The following ZDHHC15 variants were observed in gnomAD, a reference collection of about 807,000 sequenced individuals.
The protein encoded by ZDHHC15 is zDHHC palmitoyltransferase 15.
ZDHHC15 carries 19 observed loss-of-function variants against 31.7 expected under a neutral mutation model. The ratio of observed to expected loss-of-function variants is 0.60; its 90% CI spans 0.42 to 0.88. The LOEUF is 0.88. Ranked by LOEUF, ZDHHC15 falls within the 40% of genes least tolerant of loss-of-function variation. The probability of loss-of-function intolerance (pLI) is 0.00; values close to 1 mark genes in which losing one functional copy is unlikely to be tolerated. For missense variants in ZDHHC15, 209 were observed against 251.2 expected (o/e 0.83, Z 1.14); for synonymous variants, 103 against 90.0 (o/e 1.14, Z -0.82).
chrX:75,485,212 A>ACC (rs766711417), intron 2 of ZDHHC15, among the ~76,000 whole-genome samples: 2 of 111,683 alleles, frequency 1.8e-5, no homozygotes, highest in South Asian at 7.6e-4. Flanking sequence ...TATAAATTAT[A>ACC]TCTCAATAAA....
chrX:75,453,720 A>T (rs1449656130), intron 3 of ZDHHC15, among the ~76,000 whole-genome samples: 1 of 111,350 alleles, frequency 9.0e-6, no homozygotes, highest in Admixed American at 9.6e-5. Flanking sequence ...CTGGGATGCA[A>T]GGCCTAGTTC....
chrX:75,424,898 A>G (rs1227151514), intron 7 of ZDHHC15, 114 bp from the exon 8 acceptor site: 1 of 829,886 alleles, frequency 1.2e-6, no homozygotes, highest in East Asian at 3.8e-5. Flanking sequence ...TGTAATTTAA[A>G]AAATAGATTC....
rs201940017 is a variant in ZDHHC15 at position 75,431,751 on chromosome X, CT to C, written c.380-232del. ...GGGCTGAAAGGAACGAGAAAAGTTTCTTATCTGGATATCTGTCATAAGATCT... is the reference window on the plus strand; with the variant it reads ...GGGCTGAAAGGAACGAGAAAAGTTTCTATCTGGATATCTGTCATAAGATCT... On this transcript the variant is annotated intron_variant, in intron 4 of 11. Transcript: ENST00000373367. 8.0e-3 allele frequency among the ~76,000 whole-genome samples: 891 copies of C among 111,337 alleles called. 11 individuals are homozygous for C. The highest frequency in any genetic ancestry group is 0.027 in the African/African-American group (820 of 30,703).
intron 11 of ZDHHC15, 23 bp downstream of exon 11, chrX:75,379,097 T>A: frequency 8.5e-7 from 1 of 1,175,751 alleles, no homozygotes; most frequent in African/African-American, 1.7e-5. Flanking sequence ...TGCCACTGTA[T>A]GTGTCTCCCT....
At chrX:75,427,277 T>C (rs925245912) in intron 7 of ZDHHC15, among the ~76,000 whole-genome samples, 4 of 60,468 alleles carry the variant, frequency 6.6e-5, no homozygotes, top group Non-Finnish European at 1.5e-4. Flanking sequence ...AGGCATGAGC[T>C]AGCCTACTGT....
intron 4 of ZDHHC15, among the ~76,000 whole-genome samples, chrX:75,439,479 T>G (rs947471326): frequency 8.9e-6 from 1 of 112,174 alleles, no homozygotes; most frequent in East Asian, 2.8e-4. Context: ...CAGTTTCTTT[T>G]GCATTTGTCT....
chrX:75,453,793 G>T (rs1223283349), intron 3 of ZDHHC15, among the ~76,000 whole-genome samples: 2 of 111,392 alleles, frequency 1.8e-5, no homozygotes, highest in African/African-American at 6.5e-5. Context: ...AAAACCACAT[G>T]ATTATCTCAA....
At chrX:75,463,200 A>G (rs935883141) in intron 3 of ZDHHC15, among the ~76,000 whole-genome samples, 1 of 111,149 alleles carries the variant, frequency 9.0e-6, no homozygotes. Context: ...CCAAGACTGA[A>G]CAAGGAAGAA....
chrX:75,453,367 A>G (rs1197620245), intron 3 of ZDHHC15, among the ~76,000 whole-genome samples: 1 of 111,774 alleles, frequency 8.9e-6, no homozygotes, highest in Non-Finnish European at 1.9e-5. Flanking sequence ...GAATAGACCA[A>G]TAACAGGAGC....
rs778664102 is a variant in ZDHHC15, at chrX:75,372,256, ATCT to A, written c.*719_*721del. On this transcript the variant is annotated 3_prime_UTR_variant, in exon 12 of 12. Transcript: ENST00000373367. ...CAATAAAGTTTATGTCCTGAATTTG[ATCT>A]TCTTGAGTAGCTGTGGTGCTTTCAG... The A allele has an allele frequency of 3.6e-5, 4 of 112,102 alleles. No homozygotes were observed. The highest frequency in any genetic ancestry group is 7.5e-5 in the Non-Finnish European group (4 of 53,196). The allele number at this position is 112,102 out of a possible 1,213,427, so 9.2% of individuals were successfully genotyped here.
At chrX:75,439,293 T>C (rs962425008) in intron 4 of ZDHHC15, among the ~76,000 whole-genome samples, 1 of 111,913 alleles carries the variant, frequency 8.9e-6, no homozygotes, top group Admixed American at 9.5e-5. Flanking sequence ...CACCAATTAC[T>C]CTTAGGTTTC....
intron 9 of ZDHHC15, among the ~76,000 whole-genome samples, chrX:75,421,210 C>G (rs2083623426): frequency 1.0e-5 from 1 of 98,317 alleles, no homozygotes; most frequent in East Asian, 3.3e-4. Context: ...ACCATTTTTA[C>G]CATTTTTTGG....
chrX:75,493,511 A>G (rs2084935742), intron 2 of ZDHHC15, among the ~76,000 whole-genome samples: 1 of 111,989 alleles, frequency 8.9e-6, no homozygotes, highest in Non-Finnish European at 1.9e-5. Context: ...ATCCTTGATG[A>G]ACATCCATGC....
chrX:75,519,826 T>C (rs1441300854), intron 1 of ZDHHC15, among the ~76,000 whole-genome samples: 1 of 112,109 alleles, frequency 8.9e-6, no homozygotes, highest in Non-Finnish European at 1.9e-5. Context: ...TACAAGATTG[T>C]TAAACTGATG....
intron 1 of ZDHHC15, among the ~76,000 whole-genome samples, chrX:75,515,527 T>TCAA (rs2085342573): frequency 1.8e-5 from 2 of 111,868 alleles, no homozygotes; most frequent in South Asian, 7.4e-4. Flanking sequence ...TTGAAAAAGT[T>TCAA]CAACAGCCCT....
At chrX:75,400,536 C>CA (rs2083345121) in intron 10 of ZDHHC15, among the ~76,000 whole-genome samples, 1 of 111,718 alleles carries the variant, frequency 9.0e-6, no homozygotes. Flanking sequence ...GGGGAGAAAG[C>CA]AAATAATTTG....
chrX:75,395,229 T>G (rs1177425076), intron 10 of ZDHHC15, among the ~76,000 whole-genome samples: 1 of 111,088 alleles, frequency 9.0e-6, no homozygotes, highest in Non-Finnish European at 1.9e-5. Flanking sequence ...GAGAAAGAAA[T>G]AAACACATCC....
In ZDHHC15 at chrX:75,429,062, G is replaced by T; in HGVS notation, c.603+16C>A. On this transcript the variant is annotated intron_variant, in intron 7 of 11. Coordinates refer to ENST00000373367, the MANE Select transcript of ZDHHC15 (RefSeq NM_144969.3). ...GCATTTGTTCTAGGGGACCCTTCAG[G>T]ATATTTTTAACTTACTCTCCAGTAT... 1 of 1,206,898 alleles carries T rather than the reference G, an allele frequency of 8.3e-7. No individual in the cohort carries two copies. Among genetic ancestry groups the T allele is most frequent in the Non-Finnish European group, 1.1e-6 (1 of 893,501 alleles).
At chrX:75,449,373 G>A in intron 4 of ZDHHC15, among the ~76,000 whole-genome samples, 1 of 110,581 alleles carries the variant, frequency 9.0e-6, no homozygotes, top group East Asian at 2.9e-4. Flanking sequence ...GCCTATCCTG[G>A]GAATTGCAAA....
Sources: gnomAD v4.1 joint callset for allele counts (sites outside exome capture counted in the v4.1 genomes callset) on GRCh38, gnomAD v4.1.1 for gene constraint, MANE v1.5 for transcripts, NCBI Gene and HGNC (gene_info 2026-07-23, HGNC 2026-07-21) for gene names.